The following KIF22 variants were observed in gnomAD, a reference collection of about 807,000 sequenced individuals.
KIF22 encodes the protein kinesin-like protein KIF22.
In KIF22, 62 loss-of-function variants were observed where a neutral mutation model predicts 73.0. That is an observed-to-expected ratio of 0.85 (90% CI 0.69 to 1.05). The LOEUF is 1.05. Ranked by LOEUF, KIF22 falls within the 50% of genes least tolerant of loss-of-function variation. The pLI is 0.00. For missense variants in KIF22, 854 were observed against 870.1 expected (o/e 0.98, Z 0.23); for synonymous variants, 411 against 340.1 (o/e 1.21, Z -2.29).
chr16:29,796,891 AGGAGCT>A lies in KIF22; in HGVS notation c.72_77del (p.Ala25_Gly26del). ...GTCTAAAAGTGATCTTCTCTCCTCC[AGGAGCT>A]GGTCGCTGTCGGCTAAGCAAGATTG... On this transcript the variant is annotated splice_acceptor_variant and coding_sequence_variant, in exon 2 of 14. Coordinates refer to ENST00000160827, the MANE Select transcript of KIF22 (RefSeq NM_007317.3). LOFTEE classifies it high-confidence loss of function. The A allele has an allele frequency of 6.2e-7, 1 of 1,614,008 alleles. No individual in the cohort carries two copies. The highest frequency in any genetic ancestry group is 1.3e-5 in the African/African-American group (1 of 75,020).
chr16:29,801,095 C>G (rs1899120688), intron 8 of KIF22, among the ~76,000 whole-genome samples: 2 of 152,168 alleles, frequency 1.3e-5, no homozygotes, highest in Non-Finnish European at 2.9e-5. Context: ...TTCTCCATGA[C>G]TCTCCGGGGA....
intron 7 of KIF22, 28 bp downstream of exon 7, chr16:29,799,809 A>G: frequency 1.2e-6 from 2 of 1,613,686 alleles, no homozygotes; most frequent in Non-Finnish European, 8.5e-7. Context: ...CAGGAGTGGA[A>G]ACGCTGGGTC....
chr16:29,804,982 C>G lies in KIF22; in HGVS notation c.1846C>G (p.Gln616Glu). 2 of 1,611,400 alleles carry G rather than the reference C, an allele frequency of 1.2e-6. No individual in the cohort carries two copies. Among genetic ancestry groups the G allele is most frequent in the Non-Finnish European group, 1.7e-6 (2 of 1,178,794 alleles). Residue 616 changes from glutamine to glutamate, a missense_variant, in exon 12 of 14, where the codon CAG becomes GAG. By Grantham distance (29) the Gln-to-Glu change is conservative. Around this residue, in one of 3 missense-constraint regions of KIF22, gnomAD observed 423 missense variants for 365.4 expected, o/e 1.16. Transcript: ENST00000160827. ...SLQRIGPKKAQLIVGWRELHG... is the reference protein window; with the variant it reads ...SLQRIGPKKAELIVGWRELHG... The stretch of plus-strand genomic sequence containing the variant: ...TCAGCGCATTGGCCCGAAGAAGGCC[C>G]AGCTAATCGTGGGCTGGCGGGAGCT...
Position 29,798,559 on chromosome 16 carries a change from G to A in KIF22, c.395-34G>A. 6.2e-7 allele frequency: 1 copy of A among 1,613,772 alleles called. No homozygotes were observed. Among genetic ancestry groups the A allele is most frequent in the East Asian group, 2.2e-5 (1 of 44,874 alleles). On this transcript the variant is annotated intron_variant, in intron 3 of 13. Transcript: ENST00000160827. This position sits in a 1 kb window ranked among gnomAD's most constrained non-coding sequence, Gnocchi z 4.1. ...CAGAAAGGGCTGGGGAAACGGAGAG[G>A]AAAACCTCACAGTTTTCTCCACTCT...
rs372310662 is a variant in KIF22, at chr16:29,804,044, G to A, written c.1656G>A (p.Lys552=). ...ASPNAEIHIL[K]NKGRKRKLES... is the part of the protein sequence containing the mutation. Reference sequence around the variant, plus strand: ...CAAATGCCGAGATCCACATCCTGAAGAATAAAGGCCGGAAGAGAAAGGTGA... The same window carrying A: ...CAAATGCCGAGATCCACATCCTGAAAAATAAAGGCCGGAAGAGAAAGGTGA... Residue 552 remains lysine (K), a synonymous_variant, in exon 11 of 14, where the codon AAG becomes AAA. Coordinates refer to ENST00000160827, the MANE Select transcript of KIF22 (RefSeq NM_007317.3). 7 of 1,613,898 alleles carry A rather than the reference G, an allele frequency of 4.3e-6. No homozygotes were observed. Among genetic ancestry groups the A allele is most frequent in the Non-Finnish European group, 5.1e-6 (6 of 1,179,914 alleles).
rs927762955 is a variant in KIF22, at chr16:29,797,234, A to T, written c.266+146A>T. The T allele has an allele frequency of 2.6e-5, 16 of 614,774 alleles. No individual in the cohort carries two copies. Among genetic ancestry groups the T allele is most frequent in the Non-Finnish European group, 4.2e-5 (15 of 361,252 alleles). 38.1% of individuals were successfully genotyped at this position (614,774 alleles called of 1,614,324 possible). Reference sequence around the variant, plus strand: ...TTCACTGTTCACTTAGGAAATGTTGACAGGTGCCCCCATGATGGGCCCTCT... The same window carrying T: ...TTCACTGTTCACTTAGGAAATGTTGTCAGGTGCCCCCATGATGGGCCCTCT... On this transcript the variant is annotated intron_variant, in intron 2 of 13. Coordinates refer to ENST00000160827, the MANE Select transcript of KIF22 (RefSeq NM_007317.3). The surrounding 1 kb of genome is among the most constrained non-coding windows in gnomAD (Gnocchi z 4.1).
chr16:29,801,136 C>T (rs1899123086), intron 8 of KIF22, among the ~76,000 whole-genome samples: 1 of 152,156 alleles, frequency 6.6e-6, no homozygotes, highest in Admixed American at 6.6e-5. Flanking sequence ...CGTCTACCCT[C>T]AATCCAGATA....
At position 29,797,746 on chromosome 16, in the gene KIF22, C is replaced by T. The variant is rs542949707; in HGVS notation, c.267-628C>T. On this transcript the variant is annotated intron_variant, in intron 2 of 13. Transcript: ENST00000160827. This position sits in a 1 kb window ranked among gnomAD's most constrained non-coding sequence, Gnocchi z 4.1. The stretch of plus-strand genomic sequence containing the variant: ...TTACAGAAGTTTGCTAGCTCCCATA[C>T]TAGGCCGTTAACAATTTGGGCTTCA... Among the ~76,000 whole-genome samples, 1 of 152,304 alleles carries T rather than the reference C, an allele frequency of 6.6e-6. No individual in the cohort carries two copies. The highest frequency in any genetic ancestry group is 2.1e-4 in the South Asian group (1 of 4,822).
Position 29,799,428 on chromosome 16 carries a change from A to G in KIF22, c.924A>G (p.Val308=). 6.2e-7 allele frequency: 1 copy of G among 1,614,254 alleles called. No homozygotes were observed. The highest frequency in any genetic ancestry group is 8.5e-7 in the Non-Finnish European group (1 of 1,180,032). The change falls in exon 6 of 14, where the codon GTA becomes GTG. Residue 308 remains valine, a synonymous_variant. Coordinates refer to ENST00000160827, the MANE Select transcript of KIF22 (RefSeq NM_007317.3). Reference sequence around the variant, plus strand: ...CCCTGTTTGTCCTGGGCAAAGTGGTAGATGCGCTGAATCAGGGCCTCCCTC... The same window carrying G: ...CCCTGTTTGTCCTGGGCAAAGTGGTGGATGCGCTGAATCAGGGCCTCCCTC... ...NTSLFVLGKV[V]DALNQGLPRV...
chr16:29,798,319 C>A lies in KIF22; in HGVS notation c.267-55C>A. 2.5e-6 allele frequency: 1 copy of A among 393,032 alleles called. No individual in the cohort carries two copies. Among genetic ancestry groups the A allele is most frequent in the Admixed American group, 5.1e-5 (1 of 19,530 alleles). The allele number at this position is 393,032 out of a possible 1,614,324, so 24.3% of individuals were successfully genotyped here. On this transcript the variant is annotated intron_variant, in intron 2 of 13. Coordinates refer to ENST00000160827, the MANE Select transcript of KIF22 (RefSeq NM_007317.3). This position sits in a 1 kb window ranked among gnomAD's most constrained non-coding sequence, Gnocchi z 4.1. ...CCCACCCCACTCCACCCCTTACACACACACACACACACACACACACACACA... is the reference window on the plus strand; with the variant it reads ...CCCACCCCACTCCACCCCTTACACAAACACACACACACACACACACACACA...
intron 1 of KIF22, among the ~76,000 whole-genome samples, chr16:29,793,793 G>A (rs1234015086): frequency 6.6e-6 from 1 of 152,140 alleles, no homozygotes; most frequent in African/African-American, 2.4e-5. Context: ...TCTAGAGAAA[G>A]GATAGACGGA....
At position 29,805,275 on chromosome 16, in the gene KIF22, G is replaced by T; in HGVS notation, c.1963G>T (p.Gly655Cys). ...MESFLKANIL[G>C]LAAGQRCGAS Reference sequence around the variant, plus strand: ...TCCTGTGTTGCAGGCAAACATCCTGGGTCTCGCCGCCGGCCAGCGCTGTGG... The same window carrying T: ...TCCTGTGTTGCAGGCAAACATCCTGTGTCTCGCCGCCGGCCAGCGCTGTGG... The change falls in exon 14 of 14, where the codon GGT becomes TGT. Residue 655 changes from glycine to cysteine, a missense_variant. This residue lies in a region of KIF22 where 423 missense variants were observed against 365.4 expected (regional missense o/e 1.16). Coordinates refer to ENST00000160827, the MANE Select transcript of KIF22 (RefSeq NM_007317.3). The T allele has an allele frequency of 6.2e-7, 1 of 1,614,000 alleles. No individual in the cohort carries two copies. The highest frequency in any genetic ancestry group is 8.5e-7 in the Non-Finnish European group (1 of 1,180,042).
In KIF22 at chr16:29,799,294, C is replaced by G. The variant is rs147345328; in HGVS notation, c.790C>G (p.Arg264Gly). Residue 264 changes from arginine to glycine, a missense_variant, in exon 6 of 14, where the codon CGC (arginine) becomes GGC (glycine). Around this residue, in one of 3 missense-constraint regions of KIF22, gnomAD observed 245 missense variants for 351.8 expected, o/e 0.70. Transcript: ENST00000160827. ...VDQRERLAPF[R>G]QREGKLYLID... is the part of the protein sequence containing the mutation. ...CCAGCGGGAACGTTTGGCCCCATTT[C>G]GCCAGCGAGAGGGAAAACTCTACCT... 1.4e-4 allele frequency: 223 copies of G among 1,614,024 alleles called. No homozygotes were observed. Among genetic ancestry groups the G allele is most frequent in the Non-Finnish European group, 1.8e-4 (216 of 1,179,942 alleles).
intron 8 of KIF22, among the ~76,000 whole-genome samples, chr16:29,800,793 TC>T (rs556143212): frequency 2.0e-5 from 3 of 151,952 alleles, no homozygotes; most frequent in Non-Finnish European, 4.4e-5. Context: ...ATAAATAAAT[TC>T]CCCCCAAATT....
In KIF22 at chr16:29,796,943, C is replaced by T; in HGVS notation, c.121C>T (p.Pro41Ser). ...GATTGGAGCTACTCGTCGTCCACCTCCAGCTCGCGTAAGGGTGGCTGTGCG... is the reference window on the plus strand; with the variant it reads ...GATTGGAGCTACTCGTCGTCCACCTTCAGCTCGCGTAAGGGTGGCTGTGCG... ...SKIGATRRPP[P>S]ARVRVAVRLR... is the part of the protein sequence containing the mutation. Residue 41 changes from proline to serine, a missense_variant, in exon 2 of 14, where the codon CCA (proline) becomes TCA (serine). This residue lies in a region of KIF22 where 186 missense variants were observed against 152.9 expected (regional missense o/e 1.22). Transcript: ENST00000160827. 6.2e-7 allele frequency: 1 copy of T among 1,614,148 alleles called. No homozygotes were observed. The highest frequency in any genetic ancestry group is 8.5e-7 in the Non-Finnish European group (1 of 1,180,012).
chr16:29,802,463 C>T (rs1899175258), intron 8 of KIF22, among the ~76,000 whole-genome samples: 1 of 151,976 alleles, frequency 6.6e-6, no homozygotes, highest in Non-Finnish European at 1.5e-5. Flanking sequence ...AATGGATAGG[C>T]ACTGTCCTGG....
chr16:29,799,781 G>T lies in KIF22; in HGVS notation c.1144G>T (p.Ala382Ser). 6.2e-7 allele frequency: 1 copy of T among 1,613,818 alleles called. No individual in the cohort carries two copies. The highest frequency in any genetic ancestry group is 8.5e-7 in the Non-Finnish European group (1 of 1,179,856). ...PFTNESLQPHALGPVKLSQKE... is the reference protein window; with the variant it reads ...PFTNESLQPHSLGPVKLSQKE... ...TACCAATGAGAGCCTGCAGCCTCAT[G>T]GTGAGAACTGGGGGAGGCAGGAGTG... Residue 382 changes from alanine to serine, a missense_variant and splice_region_variant, in exon 7 of 14, where the codon GCC becomes TCC. By Grantham distance (99) the Ala-to-Ser change is moderately conservative. Transcript: ENST00000160827.
Position 29,799,189 on chromosome 16 carries a change from G to A in KIF22, c.759+5G>A. ...CATGCTGTGCTCCTGGTCAAGGTGAGGCCGCAGACAGGGGCGAGGACCTGG... is the reference window on the plus strand; with the variant it reads ...CATGCTGTGCTCCTGGTCAAGGTGAAGCCGCAGACAGGGGCGAGGACCTGG... On this transcript the variant is annotated splice_donor_5th_base_variant and intron_variant, in intron 5 of 13. Transcript: ENST00000160827. 1 of 1,613,044 alleles carries A rather than the reference G, an allele frequency of 6.2e-7. No homozygotes were observed. Among genetic ancestry groups the A allele is most frequent in the Non-Finnish European group, 8.5e-7 (1 of 1,179,450 alleles).
At position 29,798,350 on chromosome 16, in the gene KIF22, T is replaced by C. The variant is rs1167818910; in HGVS notation, c.267-24T>C. On this transcript the variant is annotated intron_variant, in intron 2 of 13. Coordinates refer to ENST00000160827, the MANE Select transcript of KIF22 (RefSeq NM_007317.3). This position sits in a 1 kb window ranked among gnomAD's most constrained non-coding sequence, Gnocchi z 4.1. ...CACACACACACACACACACACACGC[T>C]AATTTCTTTCTTTCTTCCTGCAGGT... The C allele has an allele frequency of 4.3e-6, 6 of 1,385,534 alleles. No individual in the cohort carries two copies. The highest frequency in any genetic ancestry group is 5.7e-6 in the Non-Finnish European group (6 of 1,052,814). 85.8% of individuals were successfully genotyped at this position (1,385,534 alleles called of 1,614,324 possible).
Sources: gnomAD v4.1 joint callset for allele counts (sites outside exome capture counted in the v4.1 genomes callset) on GRCh38, gnomAD v4.1.1 for gene constraint, gnomAD v4.1.1 regional missense constraint, Gnocchi (gnomAD v3.1) non-coding constraint, MANE v1.5 for transcripts, NCBI Gene and HGNC (gene_info 2026-07-23, HGNC 2026-07-21) for gene names.